The following PTPRM variants were observed in gnomAD, a reference collection of about 807,000 sequenced individuals.
The protein encoded by PTPRM is protein tyrosine phosphatase receptor type M, also known as receptor-type tyrosine-protein phosphatase mu.
A neutral mutation model predicts 186.7 loss-of-function variants in PTPRM; 47 were observed. The observed-to-expected ratio is 0.25, with a 90% confidence interval of 0.20 to 0.32. PTPRM has a LOEUF of 0.32. Ranked by LOEUF, PTPRM falls within the 10% of genes least tolerant of loss-of-function variation. The probability of loss-of-function intolerance (pLI) is 1.00; values close to 1 mark genes in which losing one functional copy is unlikely to be tolerated. For missense variants in PTPRM, 1,494 were observed against 1,865.0 expected, an observed-to-expected ratio of 0.80 and a Z score of 3.66; for synonymous variants, 668 against 674.9, an observed-to-expected ratio of 0.99 and a Z score of 0.16.
rs2095781023 is a variant in PTPRM at position 8,387,191 on chromosome 18, AGAG to A, written c.4168_4170del (p.Glu1390del). 1.2e-6 allele frequency: 2 copies of A among 1,613,894 alleles called. No homozygotes were observed. The highest frequency in any genetic ancestry group is 2.7e-5 in the African/African-American group (2 of 74,928). On this transcript the variant is annotated inframe_deletion, in exon 31 of 33. Transcript: ENST00000580170. ...TCATTCGCCAGGTGGACAAGTGGCA[AGAG>A]GAGTACAATGGCGGGGAAGGCCGCA...
At chr18:8,087,739 A>T (rs116519258) in intron 10 of PTPRM, among the ~76,000 whole-genome samples, 3,408 of 152,266 alleles carry the variant, frequency 0.022, 115 homozygotes, top group African/African-American at 0.078. Flanking sequence ...AATAAATGGA[A>T]CTCAGAAGTA....
intron 27 of PTPRM, 120 bp downstream of exon 27, chr18:8,378,534 G>A (rs192449341): frequency 7.4e-5 from 92 of 1,241,922 alleles, no homozygotes; most frequent in Middle Eastern, 2.7e-4. Context: ...AGCACTGTTC[G>A]TATTCAGGGC....
intron 7 of PTPRM, among the ~76,000 whole-genome samples, chr18:8,027,486 G>A (rs1012551844): frequency 6.6e-6 from 1 of 152,126 alleles, no homozygotes; most frequent in Non-Finnish European, 1.5e-5. Context: ...CACTTGTAGG[G>A]TAATAACCTT....
At chr18:8,106,379 T>C (rs995855458) in intron 11 of PTPRM, among the ~76,000 whole-genome samples, 4 of 152,182 alleles carry the variant, frequency 2.6e-5, no homozygotes, top group Non-Finnish European at 4.4e-5. Flanking sequence ...TTGGTGACTG[T>C]AGCATTGCAG....
chr18:7,975,111 A>G (rs2054842755), intron 7 of PTPRM, among the ~76,000 whole-genome samples: 1 of 152,224 alleles, frequency 6.6e-6, no homozygotes. Flanking sequence ...ACACTGCCAC[A>G]CATCAAATGC....
At chr18:8,112,320 G>T (rs189410081) in intron 11 of PTPRM, among the ~76,000 whole-genome samples, 40 of 152,232 alleles carry the variant, frequency 2.6e-4, no homozygotes, top group African/African-American at 9.6e-4. Context: ...GAGATAGGTG[G>T]TTCTATGAGT....
At chr18:7,856,232 C>T (rs1417846598) in intron 2 of PTPRM, among the ~76,000 whole-genome samples, 3 of 151,998 alleles carry the variant, frequency 2.0e-5, no homozygotes, top group South Asian at 2.1e-4. Flanking sequence ...TCATGCTGTC[C>T]TTGAAAACCA....
chr18:8,297,723 G>A (rs888427892), intron 20 of PTPRM, among the ~76,000 whole-genome samples: 1 of 152,164 alleles, frequency 6.6e-6, no homozygotes, highest in African/African-American at 2.4e-5. Flanking sequence ...AAAGAAACTG[G>A]GGGGTAGAGT....
chr18:8,123,736 A>G (rs1164993907), intron 13 of PTPRM, among the ~76,000 whole-genome samples: 1 of 152,192 alleles, frequency 6.6e-6, no homozygotes, highest in East Asian at 1.9e-4. Flanking sequence ...ACCTTTCAGG[A>G]CTGGCCTGTG....
chr18:8,139,051 A>C (rs994411629), intron 13 of PTPRM, among the ~76,000 whole-genome samples: 9 of 151,898 alleles, frequency 5.9e-5, no homozygotes, highest in Non-Finnish European at 1.2e-4. Flanking sequence ...ACAACCTCAA[A>C]TTTATCTTCT....
chr18:8,109,294 G>A (rs866491060), intron 11 of PTPRM, among the ~76,000 whole-genome samples: 15 of 152,176 alleles, frequency 9.9e-5, no homozygotes, highest in African/African-American at 3.4e-4. Flanking sequence ...TTTGATAAAG[G>A]GGACTAGAAA....
At chr18:7,845,242 T>C (rs2145878999) in intron 2 of PTPRM, among the ~76,000 whole-genome samples, 1 of 152,318 alleles carries the variant, frequency 6.6e-6, no homozygotes, top group South Asian at 2.1e-4. Context: ...AAAATTACTT[T>C]TTTTCTGAAC....
chr18:7,857,215 G>A (rs893960677), intron 2 of PTPRM, among the ~76,000 whole-genome samples: 7 of 152,168 alleles, frequency 4.6e-5, no homozygotes, highest in African/African-American at 1.7e-4. Context: ...TCAGTAGGTA[G>A]GCTGAGCTCA....
At chr18:7,805,916 G>A (rs1490143178) in intron 2 of PTPRM, among the ~76,000 whole-genome samples, 3 of 152,140 alleles carry the variant, frequency 2.0e-5, no homozygotes, top group East Asian at 1.9e-4. Context: ...TTAAGAATAC[G>A]TACTCAAGCT....
intron 14 of PTPRM, among the ~76,000 whole-genome samples, chr18:8,242,431 A>T (rs2147281361): frequency 6.6e-6 from 1 of 152,318 alleles, no homozygotes; most frequent in South Asian, 2.1e-4. Flanking sequence ...TGTCCAGAAC[A>T]TGTGTTGAGA....
chr18:8,178,122 A>G (rs1454255218), intron 14 of PTPRM, among the ~76,000 whole-genome samples: 7 of 152,186 alleles, frequency 4.6e-5, no homozygotes, highest in African/African-American at 1.7e-4. Context: ...TGTTGGGTGC[A>G]TGGAGTTGCT....
rs950422886 is a variant in PTPRM, at chr18:8,212,857, G to A, written c.2301-31201G>A. Among the ~76,000 whole-genome samples the A allele has an allele frequency of 4.6e-5, 7 of 152,186 alleles. No homozygotes were observed. The East Asian group carries it at 7.7e-4, about 17-fold the overall frequency. On this transcript the variant is annotated intron_variant, in intron 14 of 32. Coordinates refer to ENST00000580170, the MANE Select transcript of PTPRM (RefSeq NM_001105244.2). ...TATAAATATAAAACAAAAGCATATT[G>A]TCTGTCTCCTCCCCCTACCCACCAC...
At chr18:8,052,446 C>T (rs752697956) in intron 7 of PTPRM, among the ~76,000 whole-genome samples, 28 of 152,122 alleles carry the variant, frequency 1.8e-4, no homozygotes, top group African/African-American at 4.3e-4. Flanking sequence ...GTTTCTGTTG[C>T]CTACAACATT....
At chr18:7,715,760 G>T (rs930534423) in intron 1 of PTPRM, among the ~76,000 whole-genome samples, 3 of 152,128 alleles carry the variant, frequency 2.0e-5, no homozygotes, top group African/African-American at 7.2e-5. Context: ...ATTCACAATT[G>T]CTACAAAGAA....
Sources: gnomAD v4.1 joint callset for allele counts (sites outside exome capture counted in the v4.1 genomes callset) on GRCh38, gnomAD v4.1.1 for gene constraint, MANE v1.5 for transcripts, NCBI Gene and HGNC (gene_info 2026-07-23, HGNC 2026-07-21) for gene names.